Variants in CSE1L observed in about 807,000 individuals in gnomAD.
The protein encoded by CSE1L is exportin-2.
A neutral mutation model predicts 120.4 loss-of-function variants in CSE1L; 24 were observed. The ratio of observed to expected loss-of-function variants is 0.20; its 90% CI spans 0.14 to 0.28. The LOEUF (loss-of-function observed/expected upper bound fraction) is 0.28. CSE1L is among the 10% of genes least tolerant of loss of function. CSE1L has a pLI of 1.00. For missense variants in CSE1L, 830 were observed against 1,145.2 expected (o/e 0.72, Z 3.97); for synonymous variants, 402 against 398.3 (o/e 1.01, Z -0.11).
At chr20:49,058,337 A>C in intron 1 of CSE1L, 116 bp from the exon 2 acceptor site, 1 of 623,010 alleles carries the variant, frequency 1.6e-6, no homozygotes. Context: ...CCCATATAAA[A>C]AACAACAGAT....
Position 49,062,546 on chromosome 20 carries a change from T to C in CSE1L, c.86-656T>C, listed in dbSNP as rs558128321. 2.0e-5 allele frequency among the ~76,000 whole-genome samples: 3 copies of C among 152,268 alleles called. No individual in the cohort carries two copies. In the South Asian group the frequency reaches 6.2e-4, roughly 32 times the overall value. ...CTGGTATTAAGAAGTTTTTAGGTTT[T>C]TTTTTAGTTCGACAAGAAAGCTTAG... On this transcript the variant is annotated intron_variant, in intron 2 of 24. Transcript: ENST00000262982.
intron 16 of CSE1L, 67 bp from the exon 17 acceptor site, chr20:49,087,942 C>A: frequency 9.4e-7 from 1 of 1,065,062 alleles, no homozygotes; most frequent in Non-Finnish European, 1.4e-6. Flanking sequence ...TTTTTTCCCC[C>A]CAGTCGCTCT....
rs1395497632 is a variant in CSE1L at position 49,067,212 on chromosome 20, A to G, written c.499A>G (p.Asn167Asp). Reference protein sequence around the residue: ...FKRYRHEFKSNELWTEIKLVL... With the variant: ...FKRYRHEFKSDELWTEIKLVL... ...TAGATACCGTCATGAATTTAAGTCA[A>G]ACGAGTTATGGACTGAAATTAAGCT... The change falls in exon 6 of 25, where the codon AAC (asparagine) becomes GAC (aspartate). Residue 167 changes from asparagine to aspartate, a missense_variant. This residue lies in a region of CSE1L where 543 missense variants were observed against 640.2 expected (regional missense o/e 0.85). Transcript: ENST00000262982. 38 of 1,609,768 alleles carry G rather than the reference A, an allele frequency of 2.4e-5. No homozygotes were observed. Among genetic ancestry groups the G allele is most frequent in the Non-Finnish European group, 3.0e-5 (35 of 1,177,790 alleles).
At chr20:49,091,463 G>C (rs1221019587) in intron 21 of CSE1L, among the ~76,000 whole-genome samples, 1 of 151,892 alleles carries the variant, frequency 6.6e-6, no homozygotes, top group African/African-American at 2.4e-5. Flanking sequence ...GCCTGGTGCA[G>C]TGGCTCTCAT....
intron 14 of CSE1L, among the ~76,000 whole-genome samples, chr20:49,080,036 T>C (rs1415591517): frequency 6.6e-6 from 1 of 152,150 alleles, no homozygotes; most frequent in Non-Finnish European, 1.5e-5. Flanking sequence ...ATCATGCCAT[T>C]GCACTCCAGC....
intron 2 of CSE1L, among the ~76,000 whole-genome samples, chr20:49,061,061 A>G (rs2091848648): frequency 6.6e-6 from 1 of 152,160 alleles, no homozygotes; most frequent in East Asian, 1.9e-4. Context: ...AAATTAGTTT[A>G]TTAGTGTATA....
intron 2 of CSE1L, among the ~76,000 whole-genome samples, chr20:49,059,662 G>C (rs916674092): frequency 6.6e-6 from 1 of 151,996 alleles, no homozygotes; most frequent in African/African-American, 2.4e-5. Flanking sequence ...GGCAGATCAC[G>C]AGGGCAGGAG....
chr20:49,086,565 A>ATGT (rs1352547236), intron 16 of CSE1L, among the ~76,000 whole-genome samples: 1 of 151,740 alleles, frequency 6.6e-6, no homozygotes, highest in East Asian at 1.9e-4. Context: ...GGGTTTCTGC[A>ATGT]TGTTGGTCAG....
At chr20:49,062,303 G>A (rs2123680980) in intron 2 of CSE1L, among the ~76,000 whole-genome samples, 1 of 152,210 alleles carries the variant, frequency 6.6e-6, no homozygotes, top group African/African-American at 2.4e-5. Flanking sequence ...TGAAACTCTT[G>A]GGACTCAGTC....
At chr20:49,093,808 TC>T (rs2092119670) in intron 22 of CSE1L, among the ~76,000 whole-genome samples, 1 of 151,860 alleles carries the variant, frequency 6.6e-6, no homozygotes, top group Admixed American at 6.6e-5. Flanking sequence ...TCCCACCTAC[TC>T]AGGGGGCTGA....
At chr20:49,092,171 A>T in intron 22 of CSE1L, 44 bp downstream of exon 22, 1 of 1,172,018 alleles carries the variant, frequency 8.5e-7, no homozygotes. Context: ...AAATGTTTTG[A>T]CTTTTTTTTT....
chr20:49,072,766 T>G, intron 10 of CSE1L, 69 bp downstream of exon 10: 1 of 1,397,072 alleles, frequency 7.2e-7, no homozygotes, highest in Non-Finnish European at 9.6e-7. Flanking sequence ...ACATATTCAG[T>G]CTAATTCATT....
intron 1 of CSE1L, among the ~76,000 whole-genome samples, chr20:49,048,630 G>C (rs2091740952): frequency 6.6e-6 from 1 of 152,174 alleles, no homozygotes; most frequent in Non-Finnish European, 1.5e-5. Context: ...AACCGGCTTG[G>C]AATATTGAAA....
rs1290563991 is a variant in CSE1L, at chr20:49,075,355, A to G, written c.1170A>G (p.Val390=). The change falls in exon 12 of 25, where the codon GTA becomes GTG. Residue 390 remains valine (V), a synonymous_variant. Transcript: ENST00000262982. ...DTRRRAACDL[V]RGLCKFFEGP... ...GACGCAGGGCTGCTTGTGATCTGGTACGAGGATTATGCAAGTTTTTTGAGG... is the reference window on the plus strand; with the variant it reads ...GACGCAGGGCTGCTTGTGATCTGGTGCGAGGATTATGCAAGTTTTTTGAGG... The G allele has an allele frequency of 1.9e-6, 3 of 1,613,830 alleles. No homozygotes were observed. The highest frequency in any genetic ancestry group is 2.5e-6 in the Non-Finnish European group (3 of 1,179,964).
At chr20:49,075,618 G>A (rs2091963610) in intron 12 of CSE1L, 98 bp downstream of exon 12, 1 of 909,368 alleles carries the variant, frequency 1.1e-6, no homozygotes, top group Non-Finnish European at 1.7e-6. Flanking sequence ...AGCTTACTCT[G>A]CCAGATAACC....
Position 49,076,520 on chromosome 20 carries a change from C to CTTTTTT in CSE1L, c.1336-438_1336-433dup, listed in dbSNP as rs35713931. Among the ~76,000 whole-genome samples, 8 of 79,574 alleles carry CTTTTTT rather than the reference C, an allele frequency of 1.0e-4. 1 individual carries two copies. The highest frequency in any genetic ancestry group is 9.0e-4 in the South Asian group (2 of 2,224). 52.2% of individuals were successfully genotyped at this position (79,574 alleles called of 152,430 possible). A position where few individuals can be genotyped will look rare whatever the true frequency, so the allele number is the denominator to read the frequency against. The stretch of plus-strand genomic sequence containing the variant: ...CATGTTTTGAAGTGTCCCTCTCTCT[C>CTTTTTT]TTTTTTTTTTTTTTTTTTTTTTTTT... On this transcript the variant is annotated intron_variant, in intron 12 of 24. Transcript: ENST00000262982.
At chr20:49,059,866 C>T (rs1470462498) in intron 2 of CSE1L, among the ~76,000 whole-genome samples, 1 of 148,134 alleles carries the variant, frequency 6.8e-6, no homozygotes, top group Non-Finnish European at 1.5e-5. Context: ...GGTGACAGAG[C>T]GAGACGTAGT....
intron 12 of CSE1L, among the ~76,000 whole-genome samples, chr20:49,076,643 C>T (rs1487094066): frequency 1.3e-5 from 2 of 149,504 alleles, no homozygotes; most frequent in Admixed American, 6.8e-5. Context: ...AATTCTCATG[C>T]CTCAGCCTCC....
At chr20:49,066,153 G>A (rs1055495207) in intron 3 of CSE1L, 39 bp from the exon 4 acceptor site, 2 of 1,531,942 alleles carry the variant, frequency 1.3e-6, no homozygotes, top group African/African-American at 2.7e-5. Flanking sequence ...CATGAATGTG[G>A]ATTTTGTGTT....
Sources: allele counts gnomAD v4.1 joint callset (sites outside exome capture counted in the v4.1 genomes callset), GRCh38; gene constraint gnomAD v4.1.1; regional missense constraint gnomAD v4.1.1; transcripts MANE v1.5; gene names NCBI Gene and HGNC (gene_info 2026-07-23, HGNC 2026-07-21).